TIAM1: variants seen among roughly 807,000 people sequenced by gnomAD.
TIAM1 encodes TIAM Rac1 associated GEF 1, also known as rho guanine nucleotide exchange factor TIAM1.
In TIAM1, 65 loss-of-function variants were observed where a neutral mutation model predicts 163.5. The ratio of observed to expected loss-of-function variants is 0.40; its 90% CI spans 0.33 to 0.49. The LOEUF is 0.49. Ranked by LOEUF, TIAM1 falls within the 20% of genes least tolerant of loss-of-function variation. The pLI, the probability that TIAM1 is intolerant of heterozygous loss-of-function variation, is 0.77. For missense variants in TIAM1, 1,789 were observed against 2,044.7 expected (o/e 0.87, Z 2.41); for synonymous variants, 833 against 810.1 (o/e 1.03, Z -0.48).
rs913624711 is a variant in TIAM1, at chr21:31,437,345, T to C, written c.-369+26638A>G. Among the ~76,000 whole-genome samples, 6 of 152,042 alleles carry C rather than the reference T, an allele frequency of 3.9e-5. No individual in the cohort carries two copies. In the East Asian group the frequency reaches 9.7e-4, roughly 25 times the overall value. On this transcript the variant is annotated intron_variant, in intron 2 of 28. Transcript: ENST00000286827. ...TGGTGAAACCCATCTCTACTAAAAG[T>C]ACAAAAATTAGCTGGACGTGGTGGC... is the stretch of plus-strand genomic sequence containing the variant.
chr21:31,388,065 T>TA (rs2076906364), intron 2 of TIAM1, among the ~76,000 whole-genome samples: 1 of 151,962 alleles, frequency 6.6e-6, no homozygotes, highest in Non-Finnish European at 1.5e-5. Context: ...CCGTCACAAT[T>TA]ATAGGTTTCC....
intron 22 of TIAM1, among the ~76,000 whole-genome samples, chr21:31,140,593 G>A (rs1255760988): frequency 6.6e-6 from 1 of 152,196 alleles, no homozygotes; most frequent in Non-Finnish European, 1.5e-5. Context: ...TCAGGTAAGT[G>A]CATGTTAATG....
At chr21:31,488,945 G>A (rs1295374232) in intron 1 of TIAM1, among the ~76,000 whole-genome samples, 1 of 151,112 alleles carries the variant, frequency 6.6e-6, no homozygotes, top group Non-Finnish European at 1.5e-5. Context: ...GATAACTTTT[G>A]TTTTCTTCTC....
chr21:31,520,171 C>T (rs2047532460), intron 1 of TIAM1, among the ~76,000 whole-genome samples: 1 of 151,924 alleles, frequency 6.6e-6, no homozygotes, highest in South Asian at 2.1e-4. Context: ...TCTCTACTAA[C>T]AATACAAAAA....
At chr21:31,543,730 C>T (rs1172409764) in intron 1 of TIAM1, among the ~76,000 whole-genome samples, 1 of 152,190 alleles carries the variant, frequency 6.6e-6, no homozygotes, top group Non-Finnish European at 1.5e-5. Context: ...TCCTGTTTCA[C>T]TGGCTCAAAG....
At chr21:31,304,191 T>C (rs1304678784) in intron 2 of TIAM1, among the ~76,000 whole-genome samples, 7 of 152,266 alleles carry the variant, frequency 4.6e-5, no homozygotes, top group African/African-American at 1.7e-4. Context: ...TTTTTCCAAT[T>C]TCCTCAGAAA....
chr21:31,152,054 C>G (rs1170952088), intron 19 of TIAM1, among the ~76,000 whole-genome samples: 1 of 127,560 alleles, frequency 7.8e-6, no homozygotes, highest in East Asian at 2.3e-4. Flanking sequence ...TTTTGTAAGA[C>G]GGAGCCTCGT....
chr21:31,463,557 C>T (rs1017146164), intron 2 of TIAM1, among the ~76,000 whole-genome samples: 1 of 152,108 alleles, frequency 6.6e-6, no homozygotes, highest in African/African-American at 2.4e-5. Flanking sequence ...GTGGCTCATG[C>T]CTGTAATCCC....
intron 1 of TIAM1, among the ~76,000 whole-genome samples, chr21:31,539,709 G>A (rs1222531179): frequency 2.6e-5 from 4 of 152,182 alleles, no homozygotes; most frequent in Non-Finnish European, 4.4e-5. Context: ...TCAGGGGAGG[G>A]TGAGAATCAG....
At chr21:31,337,784 C>G (rs1368414691) in intron 2 of TIAM1, among the ~76,000 whole-genome samples, 1 of 152,034 alleles carries the variant, frequency 6.6e-6, no homozygotes, top group African/African-American at 2.4e-5. Context: ...CCCACCTCGG[C>G]CTCCCTAACT....
At chr21:31,431,372 G>T (rs2044021819) in intron 2 of TIAM1, among the ~76,000 whole-genome samples, 1 of 152,136 alleles carries the variant, frequency 6.6e-6, no homozygotes, top group African/African-American at 2.4e-5. Context: ...AGTAGATTGG[G>T]GGTGGATGGG....
rs1476061817 is a variant in TIAM1, at chr21:31,251,731, C to T, written c.1411+11G>A. The T allele has an allele frequency of 5.1e-6, 8 of 1,568,702 alleles. No homozygotes were observed. The highest frequency in any genetic ancestry group is 6.9e-6 in the Non-Finnish European group (8 of 1,152,876). On this transcript the variant is annotated intron_variant, in intron 5 of 27. Transcript: ENST00000541036. ...GCATTTGGCACATAGCCGGGGCCCT[C>T]CCGCTCTCACCTTTCAGGGACACCC...
intron 2 of TIAM1, chr21:31,452,998 C>T (rs546020412): frequency 7.9e-5 from 39 of 491,796 alleles, no homozygotes; most frequent in Non-Finnish European, 6.5e-5. Flanking sequence ...AAAAACAGAA[C>T]GGTCAAAGTG....
chr21:31,419,628 A>G (rs2043494854), intron 2 of TIAM1, among the ~76,000 whole-genome samples: 1 of 152,264 alleles, frequency 6.6e-6, no homozygotes, highest in Admixed American at 6.5e-5. Flanking sequence ...TCTGTGTTTA[A>G]AATTTTTAAT....
At chr21:31,388,555 G>A (rs966606911) in intron 2 of TIAM1, among the ~76,000 whole-genome samples, 2 of 152,124 alleles carry the variant, frequency 1.3e-5, no homozygotes, top group South Asian at 4.1e-4. Flanking sequence ...CTCCTCAAGA[G>A]GCTGAGGCAG....
At chr21:31,557,647 G>T (rs558954376) in intron 1 of TIAM1, among the ~76,000 whole-genome samples, 10 of 152,308 alleles carry the variant, frequency 6.6e-5, no homozygotes, top group African/African-American at 2.4e-4. Context: ...AACCCGATCC[G>T]GACGGCTCTG....
intron 1 of TIAM1, among the ~76,000 whole-genome samples, chr21:31,524,041 C>A (rs1173061345): frequency 6.6e-6 from 1 of 151,570 alleles, no homozygotes; most frequent in African/African-American, 2.4e-5. Flanking sequence ...GTGTACTCTG[C>A]CTGCTCTGCA....
At chr21:31,483,985 T>C (rs1465922825) in intron 1 of TIAM1, among the ~76,000 whole-genome samples, 2 of 152,156 alleles carry the variant, frequency 1.3e-5, no homozygotes, top group East Asian at 3.9e-4. Flanking sequence ...TGTGATGGCC[T>C]TTGAAAGGTG....
intron 14 of TIAM1, among the ~76,000 whole-genome samples, chr21:31,184,293 A>G (rs551295031): frequency 1.3e-5 from 2 of 152,086 alleles, no homozygotes; most frequent in Admixed American, 1.3e-4. Context: ...TTTAGTAGAG[A>G]CAGGGTTTCA....
Sources: gnomAD v4.1 joint callset for allele counts (sites outside exome capture counted in the v4.1 genomes callset) on GRCh38, gnomAD v4.1.1 for gene constraint, MANE v1.5 for transcripts, NCBI Gene and HGNC (gene_info 2026-07-23, HGNC 2026-07-21) for gene names.